The following SGCD variants were observed in gnomAD, a reference collection of about 807,000 sequenced individuals.
SGCD encodes delta-sarcoglycan.
Under a neutral mutation model 36.6 loss-of-function variants are expected in SGCD, and 18 were observed. The observed-to-expected ratio is 0.49, with a 90% confidence interval of 0.34 to 0.73. The LOEUF is 0.73. Ranked by LOEUF, SGCD falls within the 30% of genes least tolerant of loss-of-function variation. The pLI is 0.01. For synonymous variants in SGCD, 133 were observed against 130.6 expected, an observed-to-expected ratio of 1.02 and a Z score of -0.12; for missense variants, 387 against 346.7, an observed-to-expected ratio of 1.12 and a Z score of -0.92.
At chr5:156,725,276 T>C (rs931825823) in intron 7 of SGCD, among the ~76,000 whole-genome samples, 2 of 152,152 alleles carry the variant, frequency 1.3e-5, no homozygotes, top group Non-Finnish European at 2.9e-5. Flanking sequence ...CAAGAAGCGT[T>C]GCATATCAGA....
chr5:156,344,237 C>T (rs575981953), intron 2 of SGCD, among the ~76,000 whole-genome samples: 1 of 152,242 alleles, frequency 6.6e-6, no homozygotes, highest in East Asian at 1.9e-4. Flanking sequence ...CCTTTCCACC[C>T]ATTATGTGTG....
intron 3 of SGCD, among the ~76,000 whole-genome samples, chr5:156,167,738 C>T (rs1392430775): frequency 6.6e-6 from 1 of 152,144 alleles, no homozygotes; most frequent in Non-Finnish European, 1.5e-5. Flanking sequence ...TCACCATAAG[C>T]CGAGGAAATA....
At position 156,078,573 on chromosome 5, in the gene SGCD, T is replaced by A. The variant is rs563224162; in HGVS notation, c.-281-39305T>A. Among the ~76,000 whole-genome samples the A allele has an allele frequency of 2.6e-3, 250 of 97,962 alleles. 3 individuals carry two copies. Among genetic ancestry groups the A allele is most frequent in the African/African-American group, 0.019 (209 of 11,272 alleles). 64.3% of individuals were successfully genotyped at this position (97,962 alleles called of 152,430 possible). On this transcript the variant is annotated intron_variant, in intron 1 of 9. Coordinates refer to the SGCD transcript ENST00000517913. ...TATATATTTATATTTATATATATAT[T>A]TATATTTATATATATTTATATTTAT...
At chr5:156,586,974 T>G (rs896778344) in intron 4 of SGCD, among the ~76,000 whole-genome samples, 2 of 152,180 alleles carry the variant, frequency 1.3e-5, no homozygotes, top group Non-Finnish European at 1.5e-5. Flanking sequence ...AGCCTTTAAC[T>G]TCATTTCACA....
chr5:155,804,718 G>T, the SGCD span, among the ~76,000 whole-genome samples: 1 of 152,198 alleles, frequency 6.6e-6, no homozygotes. Context: ...TCTCTGCATG[G>T]ATCAACCGTG....
intron 1 of SGCD, among the ~76,000 whole-genome samples, chr5:156,068,643 T>A (rs1385915171): frequency 6.6e-6 from 1 of 151,764 alleles, no homozygotes; most frequent in Non-Finnish European, 1.5e-5. Flanking sequence ...TACCCAGTAA[T>A]GGGATGGCTG....
intron 1 of SGCD, among the ~76,000 whole-genome samples, chr5:155,898,131 T>A (rs1756308638): frequency 6.6e-6 from 1 of 152,212 alleles, no homozygotes. Flanking sequence ...TTTCAGTTTG[T>A]AACCTCTAAG....
At chr5:156,571,227 G>A (rs926641909) in intron 4 of SGCD, among the ~76,000 whole-genome samples, 15 of 152,164 alleles carry the variant, frequency 9.9e-5, no homozygotes, top group African/African-American at 3.4e-4. Context: ...TGTATTTTTA[G>A]TAGAGATGGG....
intron 7 of SGCD, among the ~76,000 whole-genome samples, chr5:156,657,274 T>C (rs996128929): frequency 6.6e-6 from 1 of 151,964 alleles, no homozygotes; most frequent in Non-Finnish European, 1.5e-5. Context: ...ACATTAAGTT[T>C]TAGGGTACAT....
At chr5:156,479,134 C>T (rs982603647) in intron 3 of SGCD, among the ~76,000 whole-genome samples, 3 of 152,030 alleles carry the variant, frequency 2.0e-5, no homozygotes, top group Non-Finnish European at 2.9e-5. Context: ...GCTATGTCAC[C>T]TAGGCTGGAG....
intron 3 of SGCD, among the ~76,000 whole-genome samples, chr5:156,439,476 A>T (rs899468921): frequency 1.3e-5 from 2 of 152,024 alleles, no homozygotes; most frequent in East Asian, 3.9e-4. Flanking sequence ...ACATTTTTAA[A>T]TTATTGCCCC....
At chr5:156,117,637 C>T (rs963399640) in intron 1 of SGCD, among the ~76,000 whole-genome samples, 3 of 152,066 alleles carry the variant, frequency 2.0e-5, no homozygotes, top group Non-Finnish European at 4.4e-5. Flanking sequence ...TCACAAAGAA[C>T]TCTTTGAGAT....
At chr5:156,514,576 C>T (rs932497140) in intron 4 of SGCD, among the ~76,000 whole-genome samples, 3 of 152,032 alleles carry the variant, frequency 2.0e-5, no homozygotes, top group South Asian at 2.1e-4. Flanking sequence ...TATTTTATCC[C>T]GTAAAAAATC....
chr5:156,200,254 G>A (rs1212421223), intron 3 of SGCD, among the ~76,000 whole-genome samples: 1 of 151,960 alleles, frequency 6.6e-6, no homozygotes, highest in Non-Finnish European at 1.5e-5. Flanking sequence ...TCTCTTCCTT[G>A]CTTCAATACA....
chr5:156,158,200 T>C (rs553334553), intron 3 of SGCD, among the ~76,000 whole-genome samples: 1 of 151,686 alleles, frequency 6.6e-6, no homozygotes, highest in East Asian at 1.9e-4. Context: ...TCCACATCTA[T>C]AGGATAAGGG....
intron 1 of SGCD, among the ~76,000 whole-genome samples, chr5:155,879,205 A>G (rs932197164): frequency 1.3e-5 from 2 of 152,180 alleles, no homozygotes; most frequent in African/African-American, 2.4e-5. Context: ...TAAGCATCAA[A>G]TGTCCTATTC....
At chr5:156,019,195 A>G (rs1200246127) in intron 1 of SGCD, among the ~76,000 whole-genome samples, 1 of 152,262 alleles carries the variant, frequency 6.6e-6, no homozygotes, top group East Asian at 1.9e-4. Flanking sequence ...ACATTGAAAG[A>G]GTGATGAAAA....
chr5:156,328,766 G>A (rs1050481302), intron 1 of SGCD, among the ~76,000 whole-genome samples: 3 of 151,648 alleles, frequency 2.0e-5, no homozygotes, highest in Non-Finnish European at 2.9e-5. Context: ...TTGGGGTGGT[G>A]TGGGGAGGGT....
intron 3 of SGCD, among the ~76,000 whole-genome samples, chr5:156,390,431 A>C (rs961625617): frequency 7.9e-5 from 12 of 152,184 alleles, no homozygotes; most frequent in African/African-American, 2.9e-4. Context: ...TGTTTTTATC[A>C]AAAAGTTTAA....
Sources: allele counts gnomAD v4.1 joint callset (sites outside exome capture counted in the v4.1 genomes callset), GRCh38; gene constraint gnomAD v4.1.1; transcripts MANE v1.5; gene names NCBI Gene and HGNC (gene_info 2026-07-23, HGNC 2026-07-21).